The following ARHGAP44 variants were observed in gnomAD, a reference collection of about 807,000 sequenced individuals.
ARHGAP44 encodes Rho GTPase activating protein 44, also known as rho GTPase-activating protein 44.
ARHGAP44 carries 43 observed loss-of-function variants against 106.8 expected under a neutral mutation model. The observed-to-expected ratio is 0.40, with a 90% CI of 0.32 to 0.52. ARHGAP44 has a LOEUF of 0.52. ARHGAP44 is among the 20% of genes least tolerant of loss of function. The probability of loss-of-function intolerance (pLI) is 0.48; values close to 1 mark genes in which losing one functional copy is unlikely to be tolerated. For missense variants in ARHGAP44, 866 were observed against 1,050.5 expected, an observed-to-expected ratio of 0.82 and a Z score of 2.43; for synonymous variants, 439 against 410.3, an observed-to-expected ratio of 1.07 and a Z score of -0.85.
intron 8 of ARHGAP44, among the ~76,000 whole-genome samples, chr17:12,941,511 A>G (rs1387114554): frequency 3.9e-5 from 6 of 152,174 alleles, no homozygotes; most frequent in Non-Finnish European, 8.8e-5. Context: ...GACAGCCCCC[A>G]CACCAATGAA....
chr17:12,914,454 C>T (rs1393358356), intron 4 of ARHGAP44, among the ~76,000 whole-genome samples: 1 of 152,188 alleles, frequency 6.6e-6, no homozygotes, highest in East Asian at 1.9e-4. Context: ...ACGAAATTCT[C>T]CATTGCAAAA....
chr17:12,796,891 C>T (rs925063346), intron 1 of ARHGAP44, among the ~76,000 whole-genome samples: 1 of 152,122 alleles, frequency 6.6e-6, no homozygotes, highest in Non-Finnish European at 1.5e-5. Context: ...AGGTGTAAGC[C>T]ACTGCGCCTG....
intron 1 of ARHGAP44, among the ~76,000 whole-genome samples, chr17:12,867,416 T>C (rs539458227): frequency 1.3e-5 from 2 of 152,258 alleles, no homozygotes; most frequent in African/African-American, 4.8e-5. Context: ...CTGTTTCTTG[T>C]CTTGGTCCTC....
At chr17:12,876,256 C>T (rs548384349) in intron 1 of ARHGAP44, among the ~76,000 whole-genome samples, 4 of 152,148 alleles carry the variant, frequency 2.6e-5, no homozygotes, top group South Asian at 4.1e-4. Context: ...CAAACCTGTT[C>T]GGCTTGCTTA....
intron 18 of ARHGAP44, among the ~76,000 whole-genome samples, chr17:12,978,364 A>G (rs1257173337): frequency 8.0e-6 from 1 of 125,270 alleles, no homozygotes; most frequent in Non-Finnish European, 1.7e-5. Flanking sequence ...AGAGAAAGGA[A>G]TTACTGCTCT....
rs188780546 is a variant in ARHGAP44, at chr17:12,818,941, T to C, written c.53+29050T>C. Among the ~76,000 whole-genome samples the C allele has an allele frequency of 1.2e-4, 19 of 152,180 alleles. No individual in the cohort carries two copies. In the East Asian group the frequency reaches 3.7e-3, roughly 29 times the overall value. On this transcript the variant is annotated intron_variant, in intron 1 of 20. Coordinates refer to ENST00000379672, the MANE Select transcript of ARHGAP44 (RefSeq NM_014859.6). ...AAGCCGACTCTAAAATTTGCATGGA[T>C]AGGCAAAGGAACTAGAGTAGCCAAG...
chr17:12,789,915 G>T, intron 1 of ARHGAP44, 24 bp downstream of exon 1: 1 of 1,506,904 alleles, frequency 6.6e-7, no homozygotes, highest in Non-Finnish European at 8.9e-7. Flanking sequence ...GGGCACCGCT[G>T]TCGGTGCGCG....
At chr17:12,978,072 G>A (rs919873365) in intron 18 of ARHGAP44, among the ~76,000 whole-genome samples, 7 of 122,508 alleles carry the variant, frequency 5.7e-5, no homozygotes, top group African/African-American at 2.2e-4. Context: ...TTTCGTGGCA[G>A]GGAACAGAAG....
intron 6 of ARHGAP44, among the ~76,000 whole-genome samples, chr17:12,924,092 C>T (rs762415784): frequency 6.6e-5 from 10 of 152,220 alleles, no homozygotes; most frequent in African/African-American, 1.7e-4. Flanking sequence ...AGAGACCCTC[C>T]GCCTTTCAAG....
At chr17:12,975,486 G>A (rs1466636552) in intron 18 of ARHGAP44, among the ~76,000 whole-genome samples, 1 of 152,022 alleles carries the variant, frequency 6.6e-6, no homozygotes, top group Non-Finnish European at 1.5e-5. Context: ...AATATTAACT[G>A]ATAACTTTCT....
At chr17:12,987,803 C>T (rs1411751104) in intron 20 of ARHGAP44, 1 of 152,246 alleles carries the variant, frequency 6.6e-6, no homozygotes, top group Admixed American at 6.5e-5. Flanking sequence ...CAGACAGATC[C>T]TTTCTATCCA....
At chr17:12,883,898 A>G (rs572909098) in intron 1 of ARHGAP44, among the ~76,000 whole-genome samples, 11 of 152,248 alleles carry the variant, frequency 7.2e-5, no homozygotes, top group South Asian at 6.2e-4. Context: ...AATGACATCT[A>G]TTGTGGCAAA....
intron 1 of ARHGAP44, among the ~76,000 whole-genome samples, chr17:12,882,432 T>C (rs2036767045): frequency 6.6e-6 from 1 of 152,142 alleles, no homozygotes; most frequent in South Asian, 2.1e-4. Context: ...CCCTTTTAGT[T>C]TTAAAATCTT....
intron 16 of ARHGAP44, among the ~76,000 whole-genome samples, chr17:12,970,166 G>A (rs2039489098): frequency 6.6e-6 from 1 of 151,630 alleles, no homozygotes; most frequent in African/African-American, 2.4e-5. Flanking sequence ...AGAGAGCAGT[G>A]GTCCAGCCTG....
chr17:12,829,660 A>G (rs1032073099), intron 1 of ARHGAP44, among the ~76,000 whole-genome samples: 7 of 152,248 alleles, frequency 4.6e-5, no homozygotes, highest in Admixed American at 3.3e-4. Flanking sequence ...TCACACCAAC[A>G]TATTCCACCT....
At chr17:12,893,319 A>C (rs1271118126) in intron 1 of ARHGAP44, among the ~76,000 whole-genome samples, 1 of 152,072 alleles carries the variant, frequency 6.6e-6, no homozygotes, top group Non-Finnish European at 1.5e-5. Context: ...ATTGCTCCCT[A>C]CTTGGCTTTC....
intron 7 of ARHGAP44, among the ~76,000 whole-genome samples, chr17:12,933,197 T>G (rs1291652006): frequency 1.3e-5 from 2 of 152,226 alleles, no homozygotes; most frequent in Non-Finnish European, 2.9e-5. Context: ...ATGGGTTATT[T>G]CCCCTGATCT....
At chr17:12,871,019 G>A (rs1165237431) in intron 1 of ARHGAP44, among the ~76,000 whole-genome samples, 4 of 150,734 alleles carry the variant, frequency 2.7e-5, no homozygotes, top group Non-Finnish European at 5.9e-5. Context: ...CTTTTTGTTT[G>A]TTTACATTTT....
At chr17:12,810,937 C>G (rs1567625672) in intron 1 of ARHGAP44, among the ~76,000 whole-genome samples, 2 of 152,138 alleles carry the variant, frequency 1.3e-5, no homozygotes, top group Admixed American at 6.5e-5. Flanking sequence ...CACAAACAAT[C>G]AGTTAGCACA....
Sources: gnomAD v4.1 joint callset for allele counts (sites outside exome capture counted in the v4.1 genomes callset) on GRCh38, gnomAD v4.1.1 for gene constraint, MANE v1.5 for transcripts, NCBI Gene and HGNC (gene_info 2026-07-23, HGNC 2026-07-21) for gene names.